The following RIN1 variants were observed in gnomAD, a reference collection of about 807,000 sequenced individuals.
RIN1 encodes ras inhibitor 1.
RIN1 carries 52 observed loss-of-function variants against 64.9 expected under a neutral mutation model. The ratio of observed to expected loss-of-function variants is 0.80; its 90% CI spans 0.64 to 1.01. RIN1 has a LOEUF of 1.01. Ranked by LOEUF, RIN1 falls within the 50% of genes least tolerant of loss-of-function variation. The pLI, the probability that RIN1 is intolerant of heterozygous loss-of-function variation, is 0.00. For missense variants in RIN1, 1,040 were observed against 1,064.5 expected, an observed-to-expected ratio of 0.98 and a Z score of 0.32; for synonymous variants, 486 against 483.6, an observed-to-expected ratio of 1.00 and a Z score of -0.06.
At position 66,336,085 on chromosome 11, in the gene RIN1, G is replaced by T; in HGVS notation, c.160C>A (p.Arg54Ser). The change falls in exon 2 of 10, where the codon CGC becomes AGC. Residue 54 changes from arginine to serine, a missense_variant. Arg to Ser is a moderately radical substitution (Grantham distance 110). Coordinates refer to ENST00000311320, the MANE Select transcript of RIN1 (RefSeq NM_004292.3). Reference sequence around the variant, plus strand: ...AGGCGCTCCCGCAGGCTCACAACGCGCCCCGGCCGCTGCGGCCCGCCTGCC... The same window carrying T: ...AGGCGCTCCCGCAGGCTCACAACGCTCCCCGGCCGCTGCGGCCCGCCTGCC... Reference protein sequence around the residue: ...GQAGGPQRPGRVVSLRERLLL... With the variant: ...GQAGGPQRPGSVVSLRERLLL... 6.9e-7 allele frequency: 1 copy of T among 1,455,434 alleles called. No homozygotes were observed. Among genetic ancestry groups the T allele is most frequent in the African/African-American group, 1.4e-5 (1 of 70,344 alleles). The allele number at this position is 1,455,434 out of a possible 1,614,324, so 90.2% of individuals were successfully genotyped here.
Position 66,335,671 on chromosome 11 carries a change from C to T in RIN1, c.394G>A (p.Glu132Lys), listed in dbSNP as rs779892420. The T allele has an allele frequency of 6.2e-7, 1 of 1,613,528 alleles. No homozygotes were observed. The highest frequency in any genetic ancestry group is 8.5e-7 in the Non-Finnish European group (1 of 1,179,778). ...ILESPGGVSL[E>K]GSELMFPDLV... ...TCTGGGAACATGAGCTCCGAGCCCT[C>T]CAAGGAGACGCCTGAGAGAGGAGGG... The change falls in exon 4 of 10, where the codon GAG becomes AAG. Residue 132 changes from glutamate (E) to lysine (K), a missense_variant. Coordinates refer to ENST00000311320, the MANE Select transcript of RIN1 (RefSeq NM_004292.3).
rs746771407 is a variant in RIN1 at position 66,332,475 on chromosome 11, CCCT to C, written c.2150_2152del (p.Glu717del). 17 of 1,614,090 alleles carry C rather than the reference CCCT, an allele frequency of 1.1e-5. No individual in the cohort carries two copies. Among genetic ancestry groups the C allele is most frequent in the South Asian group, 9.9e-5 (9 of 91,094 alleles). On this transcript the variant is annotated inframe_deletion, in exon 10 of 10. Transcript: ENST00000311320. ...GCTTCTTGCCTCTGACTGCCCACTG[CCCT>C]CCTCCTCTGTCACAGCCCCCTGGGT... is the stretch of plus-strand genomic sequence containing the variant.
At chr11:66,336,661 A>G (rs1186702291), upstream of RIN1, 1 of 475,976 alleles carries the variant, frequency 2.1e-6, no homozygotes, top group African/African-American at 2.0e-5. Flanking sequence ...CTGCAGCCTC[A>G]CCAGCTACTC....
rs142733289 is a variant in RIN1, at chr11:66,335,646, T to A, written c.419A>T (p.Asp140Val). The A allele has an allele frequency of 3.8e-5, 61 of 1,613,482 alleles. No homozygotes were observed. The highest frequency in any genetic ancestry group is 4.7e-5 in the Non-Finnish European group (56 of 1,179,812). Reference sequence around the variant, plus strand: ...GTAGGCACAGATGAGCTGGACTAGGTCTGGGAACATGAGCTCCGAGCCCTC... The same window carrying A: ...GTAGGCACAGATGAGCTGGACTAGGACTGGGAACATGAGCTCCGAGCCCTC... ...SLEGSELMFP[D>V]LVQLICAYCH... Residue 140 changes from aspartate (D) to valine (V), a missense_variant, in exon 4 of 10, where the codon GAC becomes GTC. Asp to Val is a radical substitution (Grantham distance 152). Transcript: ENST00000311320.
chr11:66,332,936 G>A (rs1447509982), intron 9 of RIN1, 184 bp from the exon 10 acceptor site: 2 of 618,826 alleles, frequency 3.2e-6, no homozygotes, highest in Admixed American at 3.1e-5. Flanking sequence ...ACAGCCGCAG[G>A]TGCAAGGACA....
At chr11:66,336,278 C>T in intron 1 of RIN1, 39 bp downstream of exon 1, 1 of 1,570,666 alleles carries the variant, frequency 6.4e-7, no homozygotes, top group South Asian at 1.2e-5. Context: ...CTCGCAGCCC[C>T]TCCCTGCCCC....
At position 66,336,070 on chromosome 11, in the gene RIN1, G is replaced by A. The variant is rs1303812006; in HGVS notation, c.175C>T (p.Arg59Trp). 3 of 1,462,574 alleles carry A rather than the reference G, an allele frequency of 2.1e-6. No homozygotes were observed. Among genetic ancestry groups the A allele is most frequent in the Admixed American group, 2.6e-5 (1 of 38,800 alleles). 90.6% of individuals were successfully genotyped at this position (1,462,574 alleles called of 1,614,324 possible). ...GGCCGGGTGAGCAGCAGGCGCTCCCGCAGGCTCACAACGCGCCCCGGCCGC... is the reference window on the plus strand; with the variant it reads ...GGCCGGGTGAGCAGCAGGCGCTCCCACAGGCTCACAACGCGCCCCGGCCGC... Reference protein sequence around the residue: ...PQRPGRVVSLRERLLLTRPVW... With the variant: ...PQRPGRVVSLWERLLLTRPVW... The change falls in exon 2 of 10, where the codon CGG (arginine) becomes TGG (tryptophan). Residue 59 changes from arginine to tryptophan, a missense_variant. Transcript: ENST00000311320.
Position 66,332,062 on chromosome 11 carries a change from C to A in RIN1, c.*214G>T. ...GGGGAGAAGAACAAGAGGCAAGGGG[C>A]CTTGGGCACACAGTCTGGGGGCCCC... On this transcript the variant is annotated 3_prime_UTR_variant, in exon 10 of 10. Transcript: ENST00000311320. 1 of 594,800 alleles carries A rather than the reference C, an allele frequency of 1.7e-6. No homozygotes were observed. Among genetic ancestry groups the A allele is most frequent in the Non-Finnish European group, 3.0e-6 (1 of 335,188 alleles). 36.8% of individuals were successfully genotyped at this position (594,800 alleles called of 1,614,324 possible).
chr11:66,334,365 G>A lies in RIN1; in HGVS notation c.1286-141C>T. On this transcript the variant is annotated intron_variant, in intron 6 of 9. Coordinates refer to ENST00000311320, the MANE Select transcript of RIN1 (RefSeq NM_004292.3). ...TAGCCTGGGTGAGACGGAAGAGTTG[G>A]GGGAGAGAGGGGATGGAACTCTCTC... is the stretch of plus-strand genomic sequence containing the variant. 3 of 1,239,080 alleles carry A rather than the reference G, an allele frequency of 2.4e-6. No individual in the cohort carries two copies. The East Asian group carries it at 7.6e-5, about 32-fold the overall frequency. 76.8% of individuals were successfully genotyped at this position (1,239,080 alleles called of 1,614,324 possible).
At position 66,334,904 on chromosome 11, in the gene RIN1, C is replaced by T. The variant is rs941017815; in HGVS notation, c.895G>A (p.Ala299Thr). Residue 299 changes from alanine to threonine, a missense_variant, in exon 6 of 10, where the codon GCA (alanine) becomes ACA (threonine). Ala to Thr is a moderately conservative substitution (Grantham distance 58). Transcript: ENST00000311320. ...GGCGGAAGGCTAGGGCCACTGCCTG[C>T]TGGCACGCGGTACCCCACTGAGCTC... ...RESSVGYRVP[A>T]GSGPSLPPMP... 10 of 1,578,736 alleles carry T rather than the reference C, an allele frequency of 6.3e-6. No homozygotes were observed. The highest frequency in any genetic ancestry group is 8.6e-6 in the Non-Finnish European group (10 of 1,162,032).
intron 1 of RIN1, 56 bp downstream of exon 1, chr11:66,336,261 C>A (rs1340658933): frequency 1.3e-6 from 2 of 1,534,206 alleles, no homozygotes; most frequent in Non-Finnish European, 1.8e-6. Context: ...CCCGGATAGG[C>A]CCTCCTCTCG....
rs373432891 is a variant in RIN1 at position 66,334,770 on chromosome 11, T to G, written c.1029A>C (p.Arg343=). ...SPATSPHLGR[R]RPLLRSMSAA... The stretch of plus-strand genomic sequence containing the variant: ...CGCTCATGGACCGAAGCAGAGGTCG[T>G]CGGCGGCCCAGGTGGGGTGAGGTCG... The change falls in exon 6 of 10, where the codon CGA becomes CGC. Residue 343 remains arginine (R), a synonymous_variant. Coordinates refer to ENST00000311320, the MANE Select transcript of RIN1 (RefSeq NM_004292.3). 2,118 of 1,548,870 alleles carry G rather than the reference T, an allele frequency of 1.4e-3. 2 individuals carry two copies. The highest frequency in any genetic ancestry group is 1.8e-3 in the Middle Eastern group (8 of 4,532).
rs139103405 is a variant in RIN1 at position 66,332,521 on chromosome 11, G to C, written c.2107C>G (p.Arg703Gly). Residue 703 changes from arginine (R) to glycine (G), a missense_variant, in exon 10 of 10, where the codon CGG becomes GGG. By Grantham distance (125) the Arg-to-Gly change is moderately radical. Coordinates refer to ENST00000311320, the MANE Select transcript of RIN1 (RefSeq NM_004292.3). ...LPTTGYLVYR[R>G]AEWPETQGAV... ...CCCTGGGTCTCAGGCCACTCCGCCC[G>C]GCGGTAGACGAGGTAGCCAGTGGTG... is the stretch of plus-strand genomic sequence containing the variant. 3.7e-6 allele frequency: 6 copies of C among 1,613,764 alleles called. No individual in the cohort carries two copies. In the South Asian group the frequency reaches 5.5e-5, roughly 15 times the overall value.
At position 66,333,913 on chromosome 11, in the gene RIN1, A is replaced by T. The variant is rs1283452168; in HGVS notation, c.1591+6T>A. 1 of 1,515,518 alleles carries T rather than the reference A, an allele frequency of 6.6e-7. No homozygotes were observed. The highest frequency in any genetic ancestry group is 8.8e-7 in the Non-Finnish European group (1 of 1,130,926). The allele number at this position is 1,515,518 out of a possible 1,614,324, so 93.9% of individuals were successfully genotyped here. A position where few individuals can be genotyped will look rare whatever the true frequency, so the allele number is the denominator to read the frequency against. ...AGGGCAGGGTGAGGTGGTGGCAGGG[A>T]CATACCTTCCTGGGTCCTCAGGGCC... On this transcript the variant is annotated splice_donor_region_variant and intron_variant, in intron 7 of 9. Transcript: ENST00000311320.
At chr11:66,333,806 G>A (rs2134939578) in intron 7 of RIN1, 113 bp downstream of exon 7, 1 of 1,407,988 alleles carries the variant, frequency 7.1e-7, no homozygotes. Context: ...AAGAGGGGAG[G>A]GTGGGCTCAT....
rs1854735001 is a variant in RIN1, at chr11:66,331,530, AG to A, written c.*745del. ...ACTTTCTCCCCAGGGCCTGATTTCC[AG>A]GGGAATAACCTCCCTGAACTGGGCA... On this transcript the variant is annotated 3_prime_UTR_variant, in exon 10 of 10. Coordinates refer to ENST00000311320, the MANE Select transcript of RIN1 (RefSeq NM_004292.3). 6.6e-6 allele frequency: 1 copy of A among 152,220 alleles called. No homozygotes were observed. Among genetic ancestry groups the A allele is most frequent in the Non-Finnish European group, 1.5e-5 (1 of 68,056 alleles). 9.4% of individuals were successfully genotyped at this position (152,220 alleles called of 1,614,324 possible). A position where few individuals can be genotyped will look rare whatever the true frequency, so the allele number is the denominator to read the frequency against.
chr11:66,336,234 T>C (rs1854897924), intron 1 of RIN1, 76 bp from the exon 2 acceptor site: 1 of 1,506,054 alleles, frequency 6.6e-7, no homozygotes, highest in African/African-American at 1.4e-5. Context: ...ACTCCCGGGT[T>C]TCCCACTTTC....
rs1442859737 is a variant in RIN1 at position 66,332,630 on chromosome 11, G to A, written c.1998C>T (p.Thr666=). 6.2e-7 allele frequency: 1 copy of A among 1,601,658 alleles called. No homozygotes were observed. Among genetic ancestry groups the A allele is most frequent in the Non-Finnish European group, 8.5e-7 (1 of 1,172,758 alleles). The change falls in exon 10 of 10, where the codon ACC becomes ACT. Residue 666 remains threonine (T), a synonymous_variant. Transcript: ENST00000311320. ...NQLCATKFRV[T]QPNTFGLFLY... ...GGAAGAGGCCAAAAGTGTTGGGCTGGGTCACTCGGAACTTGGTGGCACAGA... is the reference window on the plus strand; with the variant it reads ...GGAAGAGGCCAAAAGTGTTGGGCTGAGTCACTCGGAACTTGGTGGCACAGA...
rs766946766 is a variant in RIN1, at chr11:66,336,085, G to A, written c.160C>T (p.Arg54Cys). The A allele has an allele frequency of 1.0e-5, 15 of 1,455,434 alleles. No individual in the cohort carries two copies. Among genetic ancestry groups the A allele is most frequent in the South Asian group, 7.0e-5 (5 of 71,510 alleles). The allele number at this position is 1,455,434 out of a possible 1,614,324, so 90.2% of individuals were successfully genotyped here. Residue 54 changes from arginine to cysteine, a missense_variant, in exon 2 of 10, where the codon CGC becomes TGC. Coordinates refer to ENST00000311320, the MANE Select transcript of RIN1 (RefSeq NM_004292.3). ...GQAGGPQRPG[R>C]VVSLRERLLL... ...AGGCGCTCCCGCAGGCTCACAACGC[G>A]CCCCGGCCGCTGCGGCCCGCCTGCC...
Sources: allele counts gnomAD v4.1 joint callset, GRCh38; gene constraint gnomAD v4.1.1; transcripts MANE v1.5; gene names NCBI Gene and HGNC (gene_info 2026-07-23, HGNC 2026-07-21).